Variants in FRAS1 observed in about 807,000 individuals in gnomAD.
FRAS1 encodes the protein Fraser extracellular matrix complex subunit 1, also known as extracellular matrix organizing protein FRAS1.
FRAS1 carries 290 observed loss-of-function variants against 435.2 expected under a neutral mutation model. The ratio of observed to expected loss-of-function variants is 0.67; its 90% CI spans 0.61 to 0.73. The LOEUF (loss-of-function observed/expected upper bound fraction) is 0.73, where lower values mean the gene tolerates loss of function less well. FRAS1 is among the 30% of genes least tolerant of loss of function. The pLI is 0.00. For synonymous variants in FRAS1, 1,800 were observed against 1,851.0 expected (o/e 0.97, Z 0.71); for missense variants, 4,860 against 5,001.5 (o/e 0.97, Z 0.85).
intron 2 of FRAS1, among the ~76,000 whole-genome samples, chr4:78,192,827 T>A (rs947218716): frequency 1.3e-5 from 2 of 152,234 alleles, no homozygotes; most frequent in Non-Finnish European, 2.9e-5. Context: ...TTTGAATGTG[T>A]TTGCTCTTGC....
intron 2 of FRAS1, among the ~76,000 whole-genome samples, chr4:78,086,073 G>A (rs61007389): frequency 0.037 from 5,596 of 152,184 alleles, 339 homozygotes; most frequent in African/African-American, 0.13. Context: ...ATAACAAACT[G>A]TCTCTCAGAC....
intron 22 of FRAS1, among the ~76,000 whole-genome samples, chr4:78,365,853 A>C (rs1731247955): frequency 6.6e-6 from 1 of 151,622 alleles, no homozygotes; most frequent in Non-Finnish European, 1.5e-5. Context: ...AATTCCAGCT[A>C]CTCGGGGGTG....
intron 2 of FRAS1, among the ~76,000 whole-genome samples, chr4:78,228,005 TAAAG>T (rs1349636104): frequency 1.3e-5 from 2 of 152,102 alleles, no homozygotes; most frequent in African/African-American, 2.4e-5. Flanking sequence ...TACCTATATA[TAAAG>T]AAATTGTCCC....
At chr4:78,078,405 TA>T (rs1407167270) in intron 2 of FRAS1, among the ~76,000 whole-genome samples, 1 of 152,182 alleles carries the variant, frequency 6.6e-6, no homozygotes, top group African/African-American at 2.4e-5. Context: ...ACACTGCCAT[TA>T]GTTAGTATAT....
intron 2 of FRAS1, among the ~76,000 whole-genome samples, chr4:78,191,388 C>G (rs1722525426): frequency 6.6e-6 from 1 of 152,060 alleles, no homozygotes; most frequent in African/African-American, 2.4e-5. Flanking sequence ...ATCAGTTAAA[C>G]CGGCATTTTA....
intron 2 of FRAS1, among the ~76,000 whole-genome samples, chr4:78,184,114 G>A (rs1409981528): frequency 6.6e-6 from 1 of 152,124 alleles, no homozygotes; most frequent in Non-Finnish European, 1.5e-5. Flanking sequence ...ACTGCTCTGG[G>A]TTGATTATAA....
chr4:78,300,620 C>T (rs958448816), intron 14 of FRAS1, among the ~76,000 whole-genome samples: 1 of 152,128 alleles, frequency 6.6e-6, no homozygotes, highest in Non-Finnish European at 1.5e-5. Flanking sequence ...TGATTTGAAA[C>T]ATGTCAATCA....
At chr4:78,328,949 G>A (rs563454174) in intron 18 of FRAS1, among the ~76,000 whole-genome samples, 2 of 152,212 alleles carry the variant, frequency 1.3e-5, no homozygotes, top group South Asian at 4.2e-4. Context: ...CCCCCACCAG[G>A]CCTCGTATGA....
At chr4:78,503,043 C>A (rs1311744377) in intron 61 of FRAS1, among the ~76,000 whole-genome samples, 1 of 152,154 alleles carries the variant, frequency 6.6e-6, no homozygotes, top group East Asian at 1.9e-4. Context: ...GTTGAACCAA[C>A]CTTGCATCCC....
chr4:78,230,329 T>G (rs1724466425), intron 2 of FRAS1, among the ~76,000 whole-genome samples: 1 of 152,224 alleles, frequency 6.6e-6, no homozygotes. Context: ...TATTTGCTCC[T>G]CCTGAAAGGA....
intron 20 of FRAS1, among the ~76,000 whole-genome samples, chr4:78,347,785 GTGTTT>G (rs1272388289): frequency 1.6e-4 from 16 of 100,150 alleles, no homozygotes; most frequent in East Asian, 8.9e-4. Context: ...GTGTGTGTGT[GTGTTT>G]TTTTTTTTTT....
chr4:78,190,498 C>A (rs1722486107), intron 2 of FRAS1, among the ~76,000 whole-genome samples: 1 of 151,678 alleles, frequency 6.6e-6, no homozygotes, highest in Non-Finnish European at 1.5e-5. Context: ...TCATCATCTG[C>A]TAGAATGTAC....
intron 33 of FRAS1, among the ~76,000 whole-genome samples, chr4:78,419,791 G>A (rs547616779): frequency 3.3e-5 from 5 of 152,254 alleles, no homozygotes; most frequent in South Asian, 2.1e-4. Context: ...CAATCATGGC[G>A]GAAGGTGAAG....
intron 2 of FRAS1, among the ~76,000 whole-genome samples, chr4:78,129,488 C>T (rs1329895452): frequency 6.6e-6 from 1 of 152,232 alleles, no homozygotes; most frequent in African/African-American, 2.4e-5. Flanking sequence ...GTGGCCATGG[C>T]CCCCTGATAT....
chr4:78,127,999 G>A (rs1281906740), intron 2 of FRAS1, among the ~76,000 whole-genome samples: 1 of 150,000 alleles, frequency 6.7e-6, no homozygotes, highest in Non-Finnish European at 1.5e-5. Context: ...GAGAACATGA[G>A]GTGTTTGGTT....
At chr4:78,214,594 A>G (rs1483394337) in intron 2 of FRAS1, among the ~76,000 whole-genome samples, 3 of 152,222 alleles carry the variant, frequency 2.0e-5, no homozygotes, top group Admixed American at 6.5e-5. Flanking sequence ...GTTTGTGGGT[A>G]CCTCTCAGAT....
chr4:78,331,254 C>T (rs980531831), intron 18 of FRAS1, among the ~76,000 whole-genome samples: 3 of 151,986 alleles, frequency 2.0e-5, no homozygotes, highest in Admixed American at 6.6e-5. Flanking sequence ...GTAGTATATC[C>T]GGGGATGATG....
intron 19 of FRAS1, among the ~76,000 whole-genome samples, chr4:78,336,855 TA>T (rs1239139665): frequency 2.0e-5 from 3 of 152,156 alleles, no homozygotes; most frequent in African/African-American, 7.2e-5. Flanking sequence ...GAGAAGTTCT[TA>T]AATCTGCTTC....
intron 2 of FRAS1, among the ~76,000 whole-genome samples, chr4:78,139,199 G>A (rs1321246302): frequency 6.6e-6 from 1 of 152,158 alleles, no homozygotes. Flanking sequence ...CCTTGGGCAG[G>A]CTGACAGGCA....
Sources: gnomAD v4.1 joint callset for allele counts (sites outside exome capture counted in the v4.1 genomes callset) on GRCh38, gnomAD v4.1.1 for gene constraint, MANE v1.5 for transcripts, NCBI Gene and HGNC (gene_info 2026-07-23, HGNC 2026-07-21) for gene names.